The following TSHR variants were observed in gnomAD, a reference collection of about 807,000 sequenced individuals.
TSHR encodes the protein thyrotropin receptor.
In TSHR, 51 loss-of-function variants were observed where a neutral mutation model predicts 64.1. That is an observed-to-expected ratio of 0.80 (90% CI 0.64 to 1.01). The LOEUF is 1.01. Among genes scored for constraint, TSHR ranks in the 50% least tolerant of loss-of-function variants. The probability of loss-of-function intolerance (pLI) is 0.00; values close to 1 mark genes in which losing one functional copy is unlikely to be tolerated. For synonymous variants in TSHR, 361 were observed against 361.9 expected (o/e 1.00, Z 0.03); for missense variants, 877 against 942.8 (o/e 0.93, Z 0.91).
intron 1 of TSHR, among the ~76,000 whole-genome samples, chr14:81,061,452 A>G (rs1318837906): frequency 3.3e-5 from 5 of 152,174 alleles, no homozygotes; most frequent in Non-Finnish European, 7.4e-5. Flanking sequence ...ACCATGGAAT[A>G]TTATGCAGTC....
Position 81,143,103 on chromosome 14 carries a change from A to G in TSHR, c.1045A>G (p.Asn349Asp). 1 of 1,614,174 alleles carries G rather than the reference A, an allele frequency of 6.2e-7. No homozygotes were observed. Among genetic ancestry groups the G allele is most frequent in the Non-Finnish European group, 8.5e-7 (1 of 1,180,038 alleles). Reference sequence around the variant, plus strand: ...GTCCAAGTTCCAGGATACTCATAACAACGCTCATTATTACGTCTTCTTTGA... The same window carrying G: ...GTCCAAGTTCCAGGATACTCATAACGACGCTCATTATTACGTCTTCTTTGA... ...EKSKFQDTHN[N>D]AHYYVFFEEQ... The change falls in exon 10 of 10, where the codon AAC (asparagine) becomes GAC (aspartate). Residue 349 changes from asparagine to aspartate, a missense_variant. Physicochemically the swap from Asn to Asp is conservative, Grantham distance 23. Transcript: ENST00000298171.
chr14:80,965,382 T>C (rs921911968), intron 1 of TSHR, among the ~76,000 whole-genome samples: 2 of 152,230 alleles, frequency 1.3e-5, no homozygotes, highest in East Asian at 1.9e-4. Context: ...TTGAATGTCA[T>C]GGTTTTCCTT....
chr14:81,056,502 C>T (rs994749375), intron 1 of TSHR, among the ~76,000 whole-genome samples: 10 of 151,854 alleles, frequency 6.6e-5, no homozygotes, highest in South Asian at 2.1e-4. Context: ...TCTCACTGGG[C>T]GTAAAGTATG....
intron 8 of TSHR, among the ~76,000 whole-genome samples, chr14:81,116,873 G>A (rs1471377524): frequency 1.3e-5 from 2 of 148,726 alleles, no homozygotes; most frequent in East Asian, 4.0e-4. Context: ...TCAGGATTAA[G>A]AATCTCACTC....
At chr14:81,092,062 C>G (rs886385548) in intron 5 of TSHR, among the ~76,000 whole-genome samples, 1 of 152,168 alleles carries the variant, frequency 6.6e-6, no homozygotes, top group Non-Finnish European at 1.5e-5. Flanking sequence ...CTTCCAGAAA[C>G]TAGAATGGCG....
rs1444519425 is a variant in TSHR, at chr14:81,144,652, GT to G, written c.*301del. ...GTCCAGAGATGTCATTGTGTAGGAT[GT>G]TCAGTAAATATTAACTGAGCTATGT... On this transcript the variant is annotated 3_prime_UTR_variant, in exon 10 of 10. Coordinates refer to ENST00000298171, the MANE Select transcript of TSHR (RefSeq NM_000369.5). 2.4e-6 allele frequency: 1 copy of G among 421,544 alleles called. No individual in the cohort carries two copies. 26.1% of individuals were successfully genotyped at this position (421,544 alleles called of 1,614,324 possible).
At chr14:81,131,666 C>G (rs939759965) in intron 8 of TSHR, among the ~76,000 whole-genome samples, 1 of 152,150 alleles carries the variant, frequency 6.6e-6, no homozygotes, top group Non-Finnish European at 1.5e-5. Context: ...CAGATATCAG[C>G]TTGGCTGTCT....
chr14:80,967,268 C>A (rs1887368615), intron 1 of TSHR, among the ~76,000 whole-genome samples: 1 of 146,680 alleles, frequency 6.8e-6, no homozygotes. Context: ...CACACACAAG[C>A]AAGACCTGAC....
At position 81,145,787 on chromosome 14, in the gene TSHR, T is replaced by C; in HGVS notation, c.*1434T>C. On this transcript the variant is annotated 3_prime_UTR_variant, in exon 10 of 10. Transcript: ENST00000298171. ...TCTTTACTTAAAATAGTCAGGATCT[T>C]TATCTACAGATGTACTCTCCAGGTT... The C allele has an allele frequency of 4.3e-6, 1 of 233,052 alleles. No homozygotes were observed. The highest frequency in any genetic ancestry group is 8.5e-6 in the Non-Finnish European group (1 of 117,912). 14.4% of individuals were successfully genotyped at this position (233,052 alleles called of 1,614,324 possible). A position where few individuals can be genotyped will look rare whatever the true frequency, so the allele number is the denominator to read the frequency against.
At chr14:80,986,973 T>C (rs1225694592) in intron 1 of TSHR, among the ~76,000 whole-genome samples, 2 of 152,248 alleles carry the variant, frequency 1.3e-5, no homozygotes, top group Non-Finnish European at 1.5e-5. Flanking sequence ...CTTCAGAAAG[T>C]ACTTGAGAAT....
At chr14:81,055,088 C>T (rs2371467) in intron 1 of TSHR, among the ~76,000 whole-genome samples, 19,660 of 152,064 alleles carry the variant, frequency 0.13, 1,572 homozygotes, top group Non-Finnish European at 0.18. Flanking sequence ...CTGCTGTGTG[C>T]ACTCTAGGGA....
chr14:80,960,561 A>C (rs1333514168), intron 1 of TSHR, among the ~76,000 whole-genome samples: 2 of 152,250 alleles, frequency 1.3e-5, no homozygotes, highest in Non-Finnish European at 2.9e-5. Context: ...GAATGAACAT[A>C]ATAATGAACA....
chr14:81,109,748 G>A (rs935059474), intron 8 of TSHR, among the ~76,000 whole-genome samples: 13 of 152,092 alleles, frequency 8.5e-5, no homozygotes, highest in African/African-American at 2.9e-4. Flanking sequence ...TAACACATAC[G>A]CTCCATCCAA....
At chr14:81,131,739 C>A (rs1891258719) in intron 8 of TSHR, among the ~76,000 whole-genome samples, 1 of 152,152 alleles carries the variant, frequency 6.6e-6, no homozygotes, top group African/African-American at 2.4e-5. Flanking sequence ...TGACACTGTC[C>A]CCTCATCTCT....
intron 1 of TSHR, chr14:81,050,557 T>C (rs2139866023): frequency 6.6e-6 from 1 of 152,310 alleles, no homozygotes; most frequent in Admixed American, 6.5e-5. Context: ...ACCTAGTTAG[T>C]GTTCACTATG....
chr14:81,099,467 T>G (rs1889433193), intron 7 of TSHR: 1 of 152,276 alleles, frequency 6.6e-6, no homozygotes, highest in Middle Eastern at 3.4e-3. Flanking sequence ...TGAAGATTGC[T>G]TAGACTTCTT....
intron 1 of TSHR, among the ~76,000 whole-genome samples, chr14:80,970,314 G>A (rs942025021): frequency 6.6e-6 from 1 of 152,144 alleles, no homozygotes; most frequent in African/African-American, 2.4e-5. Flanking sequence ...TTGCTGCTGT[G>A]CTCACCTTAT....
chr14:81,124,578 A>C (rs925976352), intron 8 of TSHR, among the ~76,000 whole-genome samples: 2 of 152,002 alleles, frequency 1.3e-5, no homozygotes, highest in Non-Finnish European at 2.9e-5. Flanking sequence ...ATAGATTTAT[A>C]TCTCTATATA....
intron 1 of TSHR, among the ~76,000 whole-genome samples, chr14:80,978,682 C>T (rs1211998985): frequency 6.6e-6 from 1 of 152,168 alleles, no homozygotes; most frequent in Non-Finnish European, 1.5e-5. Flanking sequence ...CAGATGGAGG[C>T]TGGCAGCTAA....
Sources: allele counts gnomAD v4.1 joint callset (sites outside exome capture counted in the v4.1 genomes callset), GRCh38; gene constraint gnomAD v4.1.1; transcripts MANE v1.5; gene names NCBI Gene and HGNC (gene_info 2026-07-23, HGNC 2026-07-21).